The following PDE8A variants were observed in gnomAD, a reference collection of about 807,000 sequenced individuals.
PDE8A encodes phosphodiesterase 8A.
PDE8A carries 59 observed loss-of-function variants against 105.0 expected under a neutral mutation model. The observed-to-expected ratio is 0.56, with a 90% confidence interval of 0.46 to 0.70. PDE8A has a LOEUF of 0.70. Among genes scored for constraint, PDE8A ranks in the 30% least tolerant of loss-of-function variants. The pLI is 0.00. For missense variants in PDE8A, 1,014 were observed against 1,045.9 expected, an observed-to-expected ratio of 0.97 and a Z score of 0.42; for synonymous variants, 355 against 371.9, an observed-to-expected ratio of 0.95 and a Z score of 0.52.
chr15:85,084,895 C>T (rs1009013702), intron 6 of PDE8A, among the ~76,000 whole-genome samples: 1 of 151,002 alleles, frequency 6.6e-6, no homozygotes, highest in African/African-American at 2.5e-5. Flanking sequence ...CAGTCACTGA[C>T]CAAGTCCAAT....
At chr15:85,054,078 T>G (rs2081019829) in intron 1 of PDE8A, among the ~76,000 whole-genome samples, 1 of 152,240 alleles carries the variant, frequency 6.6e-6, no homozygotes, top group South Asian at 2.1e-4. Context: ...GAGATAATCA[T>G]GTGGTTTTTG....
At position 85,117,657 on chromosome 15, in the gene PDE8A, G is replaced by T. The variant is rs2082117032; in HGVS notation, c.1552G>T (p.Gly518Cys). 1 of 1,613,638 alleles carries T rather than the reference G, an allele frequency of 6.2e-7. No individual in the cohort carries two copies. The highest frequency in any genetic ancestry group is 8.5e-7 in the Non-Finnish European group (1 of 1,179,730). ...ATHNRPLIYL[G>C]LKMFARFGIC... ...TGTCTATAGGCCTTTGATTTATCTT[G>T]GTCTCAAAATGTTTGCTCGCTTTGG... The change falls in exon 17 of 22, where the codon GGT becomes TGT. Residue 518 changes from glycine (G) to cysteine (C), a missense_variant. Physicochemically the swap from Gly to Cys is radical, Grantham distance 159 (BLOSUM62 -3). Coordinates refer to ENST00000394553, the MANE Select transcript of PDE8A (RefSeq NM_002605.3).
intron 1 of PDE8A, among the ~76,000 whole-genome samples, chr15:85,056,322 G>A (rs1412110008): frequency 1.6e-4 from 25 of 152,224 alleles, no homozygotes; most frequent in Middle Eastern, 3.4e-3. Flanking sequence ...TCTTTGTGGC[G>A]TTCTCTGTAT....
At chr15:85,134,000 G>GGTCTTT (rs2082366046) in intron 20 of PDE8A, among the ~76,000 whole-genome samples, 1 of 152,224 alleles carries the variant, frequency 6.6e-6, no homozygotes, top group Non-Finnish European at 1.5e-5. Context: ...TGCCTTGCAG[G>GGTCTTT]TGGGGTCACA....
At chr15:85,031,478 G>C (rs2080614157) in intron 1 of PDE8A, among the ~76,000 whole-genome samples, 1 of 152,040 alleles carries the variant, frequency 6.6e-6, no homozygotes, top group Non-Finnish European at 1.5e-5. Context: ...TGTTGCTCCA[G>C]ACCTACCCTG....
At chr15:85,074,268 C>T (rs770848657) in intron 3 of PDE8A, among the ~76,000 whole-genome samples, 1 of 152,204 alleles carries the variant, frequency 6.6e-6, no homozygotes, top group Non-Finnish European at 1.5e-5. Flanking sequence ...CACAGTCTTG[C>T]CCATTCATTT....
At chr15:85,039,958 AGAG>A (rs550099003) in intron 1 of PDE8A, among the ~76,000 whole-genome samples, 60 of 152,162 alleles carry the variant, frequency 3.9e-4, no homozygotes, top group Non-Finnish European at 7.2e-4. Flanking sequence ...AGATGGGAAA[AGAG>A]GATACACTGG....
At chr15:85,115,889 C>T (rs1327712703) in intron 15 of PDE8A, 95 bp from the exon 16 acceptor site, 2 of 1,127,706 alleles carry the variant, frequency 1.8e-6, no homozygotes, top group African/African-American at 1.6e-5. Flanking sequence ...CACAACACTC[C>T]AGCCTGGGCA....
chr15:85,004,021 A>G (rs751082407), intron 1 of PDE8A, among the ~76,000 whole-genome samples: 1 of 152,224 alleles, frequency 6.6e-6, no homozygotes, highest in Non-Finnish European at 1.5e-5. Flanking sequence ...GAAGTGGTCC[A>G]TGTCAGATTA....
At chr15:85,073,562 A>G (rs1223066398) in intron 3 of PDE8A, among the ~76,000 whole-genome samples, 1 of 152,196 alleles carries the variant, frequency 6.6e-6, no homozygotes, top group Non-Finnish European at 1.5e-5. Flanking sequence ...TTGCCATTAC[A>G]TCACTCCCAT....
intron 6 of PDE8A, among the ~76,000 whole-genome samples, chr15:85,088,611 T>A (rs966880516): frequency 1.4e-4 from 22 of 152,244 alleles, no homozygotes; most frequent in Non-Finnish European, 2.8e-4. Context: ...TGGGGCTGTT[T>A]CCCAAAAAGG....
intron 20 of PDE8A, among the ~76,000 whole-genome samples, chr15:85,126,892 A>G (rs1432460055): frequency 1.3e-5 from 2 of 152,044 alleles, no homozygotes; most frequent in Non-Finnish European, 2.9e-5. Flanking sequence ...AGTGATTCTC[A>G]TGTCCTCTGA....
At chr15:85,065,327 T>C (rs1457365570) in intron 2 of PDE8A, among the ~76,000 whole-genome samples, 2 of 93,512 alleles carry the variant, frequency 2.1e-5, no homozygotes, top group East Asian at 6.2e-4. Context: ...CTCTGGGGAC[T>C]GTGGTGGGGA....
Position 85,046,346 on chromosome 15 carries a change from G to A in PDE8A, c.187-18024G>A, listed in dbSNP as rs183761680. 9.6e-4 allele frequency among the ~76,000 whole-genome samples: 146 copies of A among 152,226 alleles called. 1 individual carries two copies. The highest frequency in any genetic ancestry group is 3.4e-3 in the African/African-American group (141 of 41,544). On this transcript the variant is annotated intron_variant, in intron 1 of 21. Coordinates refer to ENST00000394553, the MANE Select transcript of PDE8A (RefSeq NM_002605.3). The stretch of plus-strand genomic sequence containing the variant: ...TTACAGGCGTGAGGCACCACGCCCA[G>A]CCATTCTTTCTGTTTCTTAATGGAA...
chr15:85,037,988 T>C (rs1018616669), intron 1 of PDE8A, among the ~76,000 whole-genome samples: 1 of 152,238 alleles, frequency 6.6e-6, no homozygotes, highest in Non-Finnish European at 1.5e-5. Flanking sequence ...CCAACAATAC[T>C]CTTGAAATAG....
chr15:85,080,521 T>C (rs2141493868), intron 5 of PDE8A, among the ~76,000 whole-genome samples: 1 of 152,332 alleles, frequency 6.6e-6, no homozygotes, highest in Non-Finnish European at 1.5e-5. Flanking sequence ...GGTTATTTGC[T>C]TACCTACAGC....
chr15:85,084,896 C>G (rs1199867245), intron 6 of PDE8A, among the ~76,000 whole-genome samples: 2 of 150,948 alleles, frequency 1.3e-5, no homozygotes, highest in South Asian at 2.1e-4. Context: ...AGTCACTGAC[C>G]AAGTCCAATT....
chr15:85,123,040 C>A (rs1173348741), intron 18 of PDE8A, 21 bp from the exon 19 acceptor site: 9 of 1,612,458 alleles, frequency 5.6e-6, no homozygotes, highest in African/African-American at 1.3e-5. Context: ...GTAGCAGCCT[C>A]TAATTTGTCA....
chr15:85,072,655 G>T (rs543705156), intron 3 of PDE8A, among the ~76,000 whole-genome samples: 7 of 152,182 alleles, frequency 4.6e-5, no homozygotes, highest in African/African-American at 1.7e-4. Context: ...ACTGGTAGGA[G>T]CTAGGTTCCT....
Sources: allele counts gnomAD v4.1 joint callset (sites outside exome capture counted in the v4.1 genomes callset), GRCh38; gene constraint gnomAD v4.1.1; transcripts MANE v1.5; gene names NCBI Gene and HGNC (gene_info 2026-07-23, HGNC 2026-07-21).